Variants in CAPN8 observed in about 807,000 individuals in gnomAD.
CAPN8 encodes calpain 8.
A neutral mutation model predicts 80.9 loss-of-function variants in CAPN8; 87 were observed. The observed-to-expected ratio is 1.07, with a 90% CI of 0.90 to 1.28. The LOEUF (loss-of-function observed/expected upper bound fraction) is 1.28. CAPN8 is among the 50% of genes most tolerant of loss of function. The pLI, the probability that CAPN8 is intolerant of heterozygous loss-of-function variation, is 0.00. For synonymous variants in CAPN8, 299 were observed against 273.8 expected (o/e 1.09, Z -0.91); for missense variants, 757 against 702.0 (o/e 1.08, Z -0.89).
chr1:223,637,665 T>C (rs1219657120), intron 2 of CAPN8, among the ~76,000 whole-genome samples: 4 of 152,176 alleles, frequency 2.6e-5, no homozygotes, highest in Admixed American at 1.3e-4. Flanking sequence ...AGCTCCTGTA[T>C]GCCATCATCA....
At chr1:223,641,250 A>G (rs943114120) in intron 2 of CAPN8, among the ~76,000 whole-genome samples, 12 of 152,164 alleles carry the variant, frequency 7.9e-5, no homozygotes, top group African/African-American at 2.9e-4. Context: ...TTGTTCAAAG[A>G]GCTAGCGCAA....
At chr1:223,613,739 C>A (rs953831292) in intron 10 of CAPN8, among the ~76,000 whole-genome samples, 3 of 152,226 alleles carry the variant, frequency 2.0e-5, no homozygotes, top group African/African-American at 7.2e-5. Context: ...GGCTGCTTCT[C>A]AGTCAGCAGC....
At chr1:223,627,178 CAT>C in intron 4 of CAPN8, 21 bp from the exon 5 acceptor site, 1 of 1,551,694 alleles carries the variant, frequency 6.4e-7, no homozygotes, top group Non-Finnish European at 8.7e-7. Context: ...AGAAAGAACA[CAT>C]GCTCCATTAG....
rs143355110 is a variant in CAPN8 at position 223,542,006 on chromosome 1, G to A, written c.2089-147C>T. ...TGCTCAAACATGGGAAGCAAGGAAG[G>A]CTTTCACTATATCACTAACTCCTGA... On this transcript the variant is annotated intron_variant, in intron 20 of 20. Transcript: ENST00000366872. 7.7e-4 allele frequency: 1,020 copies of A among 1,332,924 alleles called. 5 individuals carry two copies. In the African/African-American group the frequency reaches 0.013, roughly 18 times the overall value. 82.6% of individuals were successfully genotyped at this position (1,332,924 alleles called of 1,614,324 possible).
intron 12 of CAPN8, among the ~76,000 whole-genome samples, chr1:223,558,476 G>A (rs988761223): frequency 1.3e-5 from 2 of 152,218 alleles, no homozygotes; most frequent in African/African-American, 4.8e-5. Flanking sequence ...GGGTAAGGTA[G>A]GGAGAGAATT....
intron 1 of CAPN8, among the ~76,000 whole-genome samples, chr1:223,656,069 G>C (rs1301691042): frequency 6.6e-6 from 1 of 152,256 alleles, no homozygotes; most frequent in East Asian, 1.9e-4. Context: ...TGCTGTGTGA[G>C]GTGGAACCTT....
chr1:223,541,939 C>T (rs747400072), intron 20 of CAPN8, 80 bp from the exon 21 acceptor site: 26 of 1,546,284 alleles, frequency 1.7e-5, no homozygotes, highest in Non-Finnish European at 2.1e-5. Flanking sequence ...TCCTGCCTCA[C>T]ATGGGTGCGA....
intron 7 of CAPN8, 56 bp from the exon 8 acceptor site, chr1:223,620,322 A>C (rs1233055187): frequency 6.9e-7 from 1 of 1,454,334 alleles, no homozygotes; most frequent in Non-Finnish European, 9.4e-7. Context: ...AAGCAGGGCA[A>C]GCTGTTTACT....
intron 17 of CAPN8, 161 bp from the exon 18 acceptor site, chr1:223,545,011 G>C (rs1304310926): frequency 7.0e-7 from 1 of 1,418,992 alleles, no homozygotes; most frequent in African/African-American, 1.4e-5. Context: ...ATAAGAGCTT[G>C]GCCAGTGCTG....
Position 223,625,799 on chromosome 1 carries a change from T to G in CAPN8, c.813+6A>C, listed in dbSNP as rs1423634687. On this transcript the variant is annotated splice_donor_region_variant and intron_variant, in intron 6 of 20. Coordinates refer to ENST00000366872, the MANE Select transcript of CAPN8 (RefSeq NM_001143962.2). ...GTTACCTTCCCCACCTTCCACACAA[T>G]TTTACCTCTTCGACTCCAGTGACAG... 1 of 1,549,162 alleles carries G rather than the reference T, an allele frequency of 6.5e-7. No homozygotes were observed. Among genetic ancestry groups the G allele is most frequent in the Non-Finnish European group, 8.7e-7 (1 of 1,144,762 alleles).
rs150415640 is a variant in CAPN8, at chr1:223,627,771, G to A, written c.560+238C>T. On this transcript the variant is annotated intron_variant, in intron 4 of 20. Transcript: ENST00000366872. Reference sequence around the variant, plus strand: ...AGCTCAGGCCCAGAGGGGCAGGGAGGCTGGCCCCACCACATACACATTCAC... The same window carrying A: ...AGCTCAGGCCCAGAGGGGCAGGGAGACTGGCCCCACCACATACACATTCAC... Among the ~76,000 whole-genome samples, 8 of 152,298 alleles carry A rather than the reference G, an allele frequency of 5.3e-5. No individual in the cohort carries two copies. The East Asian group carries it at 1.4e-3, about 26-fold the overall frequency.
chr1:223,630,703 G>C (rs1248654809), intron 2 of CAPN8, among the ~76,000 whole-genome samples: 1 of 152,092 alleles, frequency 6.6e-6, no homozygotes, highest in Admixed American at 6.5e-5. Flanking sequence ...CTCTCACCAG[G>C]CTCTGTTTCA....
chr1:223,613,733 G>T (rs1396100652), intron 10 of CAPN8, among the ~76,000 whole-genome samples: 2 of 152,192 alleles, frequency 1.3e-5, no homozygotes, highest in Non-Finnish European at 2.9e-5. Context: ...GCACCTGGCT[G>T]CTTCTCAGTC....
intron 13 of CAPN8, among the ~76,000 whole-genome samples, chr1:223,554,955 T>A (rs1334376721): frequency 6.6e-6 from 1 of 152,204 alleles, no homozygotes; most frequent in Non-Finnish European, 1.5e-5. Flanking sequence ...CAAGACAGAA[T>A]GGAAAAGTGA....
rs1008348640 is a variant in CAPN8, at chr1:223,558,136, A to G, written c.1567T>C (p.Tyr523His). The G allele has an allele frequency of 7.0e-5, 28 of 398,638 alleles. No individual in the cohort carries two copies. The highest frequency in any genetic ancestry group is 4.9e-4 in the African/African-American group (24 of 48,748). The allele number at this position is 398,638 out of a possible 1,614,324, so 24.7% of individuals were successfully genotyped here. Residue 523 changes from tyrosine (Y) to histidine (H), a missense_variant, in exon 13 of 21, where the codon TAT becomes CAT. By Grantham distance (83) the Tyr-to-His change is moderately conservative. Transcript: ENST00000366872. ...EIGDVVAGNP[Y>H]EPHPSEVDQE... ...CATACAAAAAGATTGCATACCTCAT[A>G]TGGGTTTCCAGCTACCACATCCCCA...
intron 16 of CAPN8, among the ~76,000 whole-genome samples, chr1:223,545,821 C>CTTTTTTTTTT (rs141485616): frequency 2.0e-5 from 2 of 98,598 alleles, no homozygotes; most frequent in Admixed American, 1.2e-4. Flanking sequence ...CACTCCACAA[C>CTTTTTTTTTT]TTTTTTTTTT....
chr1:223,541,947 C>T (rs776611925), intron 20 of CAPN8, 88 bp from the exon 21 acceptor site: 293 of 1,541,692 alleles, frequency 1.9e-4, no homozygotes, highest in Middle Eastern at 1.0e-3. Flanking sequence ...CACATGGGTG[C>T]GATCTTTTTA....
chr1:223,557,504 A>G (rs1012956524), intron 13 of CAPN8, among the ~76,000 whole-genome samples: 1 of 152,090 alleles, frequency 6.6e-6, no homozygotes, highest in African/African-American at 2.4e-5. Flanking sequence ...CACCCAATAT[A>G]CCCATCATCC....
chr1:223,640,931 T>C (rs1051389884), intron 2 of CAPN8, among the ~76,000 whole-genome samples: 2 of 152,090 alleles, frequency 1.3e-5, no homozygotes, highest in African/African-American at 4.8e-5. Context: ...ATGGATTTCA[T>C]GAAGTTGATG....
Sources: gnomAD v4.1 joint callset for allele counts (sites outside exome capture counted in the v4.1 genomes callset) on GRCh38, gnomAD v4.1.1 for gene constraint, MANE v1.5 for transcripts, NCBI Gene and HGNC (gene_info 2026-07-23, HGNC 2026-07-21) for gene names.